The following HCRTR1 variants were observed in gnomAD, a reference collection of about 807,000 sequenced individuals.
HCRTR1 encodes orexin/Hypocretin receptor type 1.
In HCRTR1, 28 loss-of-function variants were observed where a neutral mutation model predicts 40.6. The observed-to-expected ratio is 0.69, with a 90% CI of 0.51 to 0.95. The LOEUF (loss-of-function observed/expected upper bound fraction) is 0.95, where lower values mean the gene tolerates loss of function less well. Ranked by LOEUF, HCRTR1 falls within the 40% of genes least tolerant of loss-of-function variation. The pLI, the probability that HCRTR1 is intolerant of heterozygous loss-of-function variation, is 0.00. For missense variants in HCRTR1, 482 were observed against 564.7 expected (o/e 0.85, Z 1.48); for synonymous variants, 209 against 230.0 (o/e 0.91, Z 0.83).
intron 4 of HCRTR1, 66 bp downstream of exon 4, chr1:31,619,776 T>A (rs777223727): frequency 2.9e-5 from 42 of 1,432,884 alleles, no homozygotes; most frequent in Non-Finnish European, 3.9e-5. Context: ...CGGCCTTGCA[T>A]AGGTCTCAGT....
Position 31,623,771 on chromosome 1 carries a change from G to C in HCRTR1, c.965+22G>C. On this transcript the variant is annotated intron_variant, in intron 7 of 8. Transcript: ENST00000403528. ...AGAGGTGAGAGCACGGGGTATGGTTGGGGTGGGGAGAAGTTTGAGGTTGGG... is the reference window on the plus strand; with the variant it reads ...AGAGGTGAGAGCACGGGGTATGGTTCGGGTGGGGAGAAGTTTGAGGTTGGG... 5 of 1,586,062 alleles carry C rather than the reference G, an allele frequency of 3.2e-6. No homozygotes were observed. In the South Asian group the frequency reaches 4.5e-5, roughly 14 times the overall value.
Position 31,626,517 on chromosome 1 carries a change from A to T in HCRTR1, c.1088-273A>T, listed in dbSNP as rs1639978777. Reference sequence around the variant, plus strand: ...AGGTGACCTGAGGCCCCCGAGCCAGACACCACGTTTTGAGTCAGCCTCCGA... The same window carrying T: ...AGGTGACCTGAGGCCCCCGAGCCAGTCACCACGTTTTGAGTCAGCCTCCGA... On this transcript the variant is annotated intron_variant, in intron 8 of 8. Transcript: ENST00000403528. The surrounding 1 kb of genome is among the most constrained non-coding windows in gnomAD (Gnocchi z 4.6). Among the ~76,000 whole-genome samples, 2 of 152,136 alleles carry T rather than the reference A, an allele frequency of 1.3e-5. No homozygotes were observed. The highest frequency in any genetic ancestry group is 4.1e-4 in the South Asian group (2 of 4,830).
chr1:31,621,723 G>A lies in HCRTR1; in HGVS notation c.738+131G>A, dbSNP rs950987406. 1.8e-5 allele frequency: 12 copies of A among 682,868 alleles called. No individual in the cohort carries two copies. The African/African-American group carries it at 2.1e-4, about 12-fold the overall frequency. The allele number at this position is 682,868 out of a possible 1,614,324, so 42.3% of individuals were successfully genotyped here. A position where few individuals can be genotyped will look rare whatever the true frequency, so the allele number is the denominator to read the frequency against. On this transcript the variant is annotated intron_variant, in intron 6 of 8. Transcript: ENST00000403528. ...ATCTTGGCTGCAACCAAAGAGAGGG[G>A]AAGCCCAGAGACACGTCAAACTCAA...
Position 31,620,835 on chromosome 1 carries a change from T to C in HCRTR1, c.379-8T>C. ...CAAAATGACCGACGTTGTGTCCCCG[T>C]GGGGCAGGCTGTGTCCGTGTCAGTG... is the stretch of plus-strand genomic sequence containing the variant. On this transcript the variant is annotated splice_polypyrimidine_tract_variant and splice_region_variant and intron_variant, in intron 4 of 8. Coordinates refer to ENST00000403528, the MANE Select transcript of HCRTR1 (RefSeq NM_001525.3). 2 of 1,611,906 alleles carry C rather than the reference T, an allele frequency of 1.2e-6. No individual in the cohort carries two copies. The highest frequency in any genetic ancestry group is 1.7e-6 in the Non-Finnish European group (2 of 1,178,626).
chr1:31,625,240 C>G lies in HCRTR1; in HGVS notation c.1087+122C>G, dbSNP rs1639951233. The stretch of plus-strand genomic sequence containing the variant: ...GGTGAGGATGTACCTGCTGTGGGCA[C>G]AGTGATCCTGCTCTGGGAGGACCCA... On this transcript the variant is annotated intron_variant, in intron 8 of 8. Coordinates refer to ENST00000403528, the MANE Select transcript of HCRTR1 (RefSeq NM_001525.3). The surrounding 1 kb of genome is among the most constrained non-coding windows in gnomAD (Gnocchi z 4.2). The G allele has an allele frequency of 2.2e-5, 27 of 1,223,528 alleles. 1 individual carries two copies. In the South Asian group the frequency reaches 3.8e-4, roughly 17 times the overall value. The allele number at this position is 1,223,528 out of a possible 1,614,324, so 75.8% of individuals were successfully genotyped here. A position where few individuals can be genotyped will look rare whatever the true frequency, so the allele number is the denominator to read the frequency against.
downstream of HCRTR1, chr1:31,632,568 C>T (rs1239488077): frequency 2.5e-6 from 4 of 1,614,204 alleles, no homozygotes; most frequent in Non-Finnish European, 3.4e-6. Context: ...TCTTCCACTG[C>T]TGGATGAATT....
intron 5 of HCRTR1, 22 bp from the exon 6 acceptor site, chr1:31,621,455 C>G (rs2148609360): frequency 6.5e-7 from 1 of 1,550,082 alleles, no homozygotes; most frequent in Middle Eastern, 1.7e-4. Context: ...GGGCCTGACT[C>G]TGCATCTCTT....
downstream of HCRTR1, chr1:31,630,508 T>A: frequency 1.7e-6 from 2 of 1,144,394 alleles, no homozygotes; most frequent in South Asian, 2.9e-5. Flanking sequence ...CAAGGGAGAA[T>A]GTTCTTCTAG....
intron 6 of HCRTR1, among the ~76,000 whole-genome samples, chr1:31,622,212 T>C (rs1284894339): frequency 6.6e-6 from 1 of 152,156 alleles, no homozygotes; most frequent in Non-Finnish European, 1.5e-5. Context: ...GGTGGGTTTC[T>C]TAGGTTTTTG....
At position 31,623,508 on chromosome 1, in the gene HCRTR1, A is replaced by G. The variant is rs1397676837; in HGVS notation, c.739-15A>G. The G allele has an allele frequency of 1.2e-6, 2 of 1,605,120 alleles. No individual in the cohort carries two copies. The highest frequency in any genetic ancestry group is 1.7e-6 in the Non-Finnish European group (2 of 1,175,174). On this transcript the variant is annotated splice_polypyrimidine_tract_variant and intron_variant, in intron 6 of 8. Coordinates refer to ENST00000403528, the MANE Select transcript of HCRTR1 (RefSeq NM_001525.3). ...TGCTGTACCCACCACTGCTGTCTCT[A>G]TGTGTGCTGGACAGATCCCCGGCAC... is the stretch of plus-strand genomic sequence containing the variant.
chr1:31,632,352 G>A (rs1197115311), downstream of HCRTR1: 5 of 1,394,346 alleles, frequency 3.6e-6, no homozygotes, highest in African/African-American at 2.8e-5. Context: ...AAGGGGTGAG[G>A]GATGCAGGCC....
chr1:31,623,233 T>A (rs1005551815), intron 6 of HCRTR1, among the ~76,000 whole-genome samples: 2 of 149,100 alleles, frequency 1.3e-5, no homozygotes, highest in Non-Finnish European at 3.0e-5. Flanking sequence ...GGAGGCGAGA[T>A]TGAAGAGAGC....
Position 31,627,049 on chromosome 1 carries a change from G to C in HCRTR1, c.*69G>C, listed in dbSNP as rs1639995069. Reference sequence around the variant, plus strand: ...ACCCCTCATGGAAAGACAGCTGGATGTGGTGAAAGGCTGTGGCTTCAGTCC... The same window carrying C: ...ACCCCTCATGGAAAGACAGCTGGATCTGGTGAAAGGCTGTGGCTTCAGTCC... On this transcript the variant is annotated 3_prime_UTR_variant, in exon 9 of 9. Coordinates refer to ENST00000403528, the MANE Select transcript of HCRTR1 (RefSeq NM_001525.3). 1 of 1,547,804 alleles carries C rather than the reference G, an allele frequency of 6.5e-7. No individual in the cohort carries two copies. The highest frequency in any genetic ancestry group is 1.4e-5 in the African/African-American group (1 of 73,614).
At chr1:31,632,011 G>A (rs1640118040), downstream of HCRTR1, among the ~76,000 whole-genome samples, 6 of 152,168 alleles carry the variant, frequency 3.9e-5, no homozygotes. Context: ...CTGGGGCTGT[G>A]GCCTCAGGTC....
chr1:31,620,534 T>C (rs117429531), intron 4 of HCRTR1, among the ~76,000 whole-genome samples: 5 of 152,296 alleles, frequency 3.3e-5, no homozygotes, highest in East Asian at 1.9e-4. Flanking sequence ...GCCCAGCACA[T>C]AGTAAGTTAC....
intron 5 of HCRTR1, 87 bp from the exon 6 acceptor site, chr1:31,621,390 C>A (rs1001330146): frequency 1.9e-6 from 2 of 1,038,116 alleles, no homozygotes; most frequent in Non-Finnish European, 3.0e-6. Context: ...CTTGCTTTGG[C>A]CGTAGTCAGG....
chr1:31,632,803 C>T (rs192882158), downstream of HCRTR1, among the ~76,000 whole-genome samples: 37 of 152,296 alleles, frequency 2.4e-4, no homozygotes, highest in African/African-American at 7.7e-4. Flanking sequence ...CCACATCAAG[C>T]GTTGCACCGT....
downstream of HCRTR1, chr1:31,633,161 A>G (rs1477715410): frequency 6.2e-7 from 1 of 1,613,276 alleles, no homozygotes; most frequent in South Asian, 1.1e-5. Context: ...AGACTCACTT[A>G]TCATCATGAG....
In HCRTR1 at chr1:31,618,916, C is replaced by T; in HGVS notation, c.-143+100C>T. 6.3e-6 allele frequency: 3 copies of T among 474,636 alleles called. No homozygotes were observed. The East Asian group carries it at 1.2e-4, about 18-fold the overall frequency. 29.4% of individuals were successfully genotyped at this position (474,636 alleles called of 1,614,324 possible). The stretch of plus-strand genomic sequence containing the variant: ...AACTGGTGTGGAATTGGGATGCAAC[C>T]CAGGTCTGTCTTCCTCCACCAATTT... On this transcript the variant is annotated intron_variant, in intron 2 of 8. Coordinates refer to ENST00000403528, the MANE Select transcript of HCRTR1 (RefSeq NM_001525.3).
Sources: allele counts gnomAD v4.1 joint callset (sites outside exome capture counted in the v4.1 genomes callset), GRCh38; gene constraint gnomAD v4.1.1; non-coding constraint Gnocchi (gnomAD v3.1); transcripts MANE v1.5; gene names NCBI Gene and HGNC (gene_info 2026-07-23, HGNC 2026-07-21).